STAG1: variants seen among roughly 807,000 people sequenced by gnomAD.
STAG1 encodes cohesin subunit SA-1.
In STAG1, 26 loss-of-function variants were observed where a neutral mutation model predicts 170.9. The observed-to-expected ratio is 0.15, with a 90% CI of 0.11 to 0.21. STAG1 has a LOEUF of 0.21. Among genes scored for constraint, STAG1 ranks in the 10% least tolerant of loss-of-function variants. The probability of loss-of-function intolerance (pLI) is 1.00; values close to 1 mark genes in which losing one functional copy is unlikely to be tolerated. For synonymous variants in STAG1, 514 were observed against 497.7 expected (o/e 1.03, Z -0.44); for missense variants, 964 against 1,509.5 (o/e 0.64, Z 5.99).
intron 9 of STAG1, among the ~76,000 whole-genome samples, chr3:136,495,691 G>C (rs1042613386): frequency 6.6e-6 from 1 of 151,572 alleles, no homozygotes; most frequent in Non-Finnish European, 1.5e-5. Context: ...AATTAGGGCC[G>C]GGCACGGTGG....
At chr3:136,590,370 G>C (rs960227496) in intron 4 of STAG1, among the ~76,000 whole-genome samples, 1 of 149,208 alleles carries the variant, frequency 6.7e-6, no homozygotes, top group African/African-American at 2.5e-5. Context: ...GTGTGCGCCT[G>C]TAATCCCAGC....
At chr3:136,700,775 C>T (rs1157541925) in intron 1 of STAG1, among the ~76,000 whole-genome samples, 5 of 151,426 alleles carry the variant, frequency 3.3e-5, no homozygotes, top group South Asian at 2.1e-4. Context: ...TATGAATCAA[C>T]GATCCTGTTC....
At chr3:136,556,478 T>C (rs575244695) in intron 5 of STAG1, among the ~76,000 whole-genome samples, 1 of 152,272 alleles carries the variant, frequency 6.6e-6, no homozygotes, top group Non-Finnish European at 1.5e-5. Flanking sequence ...AAAAACTCAA[T>C]AGTGTCAAGA....
intron 14 of STAG1, among the ~76,000 whole-genome samples, chr3:136,448,372 G>A (rs535655470): frequency 5.9e-4 from 90 of 152,208 alleles, no homozygotes; most frequent in Admixed American, 5.9e-4. Context: ...CCACATGACC[G>A]GGGACGCCTC....
chr3:136,495,069 C>G (rs981735072), intron 9 of STAG1, among the ~76,000 whole-genome samples: 1 of 152,112 alleles, frequency 6.6e-6, no homozygotes, highest in Non-Finnish European at 1.5e-5. Context: ...ATTTTAAAAG[C>G]TCATCTAAAG....
intron 12 of STAG1, among the ~76,000 whole-genome samples, chr3:136,471,863 G>T (rs1384431738): frequency 1.3e-5 from 2 of 151,560 alleles, no homozygotes; most frequent in Non-Finnish European, 2.9e-5. Context: ...TTTGACACAG[G>T]GTCCTGCTAT....
chr3:136,373,849 G>T (rs984892308), intron 23 of STAG1, among the ~76,000 whole-genome samples: 1 of 152,176 alleles, frequency 6.6e-6, no homozygotes, highest in African/African-American at 2.4e-5. Context: ...TTCTGTAGAT[G>T]TTTATTAGGT....
chr3:136,484,112 T>C (rs1353759094), intron 9 of STAG1, among the ~76,000 whole-genome samples: 2 of 140,530 alleles, frequency 1.4e-5, no homozygotes, highest in African/African-American at 5.4e-5. Context: ...CTTTGTTCCG[T>C]TGCTGGTGAG....
intron 13 of STAG1, among the ~76,000 whole-genome samples, chr3:136,458,204 T>C (rs979197755): frequency 6.6e-6 from 1 of 152,216 alleles, no homozygotes; most frequent in African/African-American, 2.4e-5. Flanking sequence ...TCACCTAGGC[T>C]GGAGTGCAGT....
chr3:136,583,541 C>T (rs1052640439), intron 4 of STAG1, among the ~76,000 whole-genome samples: 27 of 152,140 alleles, frequency 1.8e-4, no homozygotes, highest in African/African-American at 6.0e-4. Flanking sequence ...GTAATCCTAG[C>T]ACTCTGGGAG....
chr3:136,727,273 C>A lies in STAG1; in HGVS notation c.-84+24922G>T, dbSNP rs182949760. Reference sequence around the variant, plus strand: ...GCTGGCAGCAGTGATAATCCCAGCACCACCCCAATCTCATTCCCCATCTAT... The same window carrying A: ...GCTGGCAGCAGTGATAATCCCAGCAACACCCCAATCTCATTCCCCATCTAT... On this transcript the variant is annotated intron_variant, in intron 1 of 33. Transcript: ENST00000383202. 3.3e-5 allele frequency among the ~76,000 whole-genome samples: 5 copies of A among 152,230 alleles called. No individual in the cohort carries two copies. The East Asian group carries it at 7.7e-4, about 23-fold the overall frequency.
intron 3 of STAG1, among the ~76,000 whole-genome samples, chr3:136,615,002 A>G (rs1194625795): frequency 6.6e-6 from 1 of 152,214 alleles, no homozygotes; most frequent in Non-Finnish European, 1.5e-5. Context: ...GATACTTTTA[A>G]TGGAATTTTG....
intron 1 of STAG1, among the ~76,000 whole-genome samples, chr3:136,710,226 TCACC>T (rs2107917716): frequency 6.6e-6 from 1 of 152,288 alleles, no homozygotes; most frequent in African/African-American, 2.4e-5. Context: ...CCAGAAAAGT[TCACC>T]CAAACACAAT....
intron 9 of STAG1, among the ~76,000 whole-genome samples, chr3:136,497,055 G>GAAC (rs975151203): frequency 6.6e-6 from 1 of 151,164 alleles, no homozygotes; most frequent in African/African-American, 2.4e-5. Flanking sequence ...GTTTACTCAG[G>GAAC]AACAACAGAT....
chr3:136,532,450 G>A (rs1234069276), intron 6 of STAG1, among the ~76,000 whole-genome samples: 4 of 151,996 alleles, frequency 2.6e-5, no homozygotes, highest in South Asian at 4.2e-4. Flanking sequence ...GAGGAGGACT[G>A]GTGTTATTTC....
chr3:136,450,903 C>T (rs769529117), intron 14 of STAG1, among the ~76,000 whole-genome samples: 4 of 152,022 alleles, frequency 2.6e-5, no homozygotes, highest in African/African-American at 4.8e-5. Context: ...TGCGCCACCA[C>T]GCTCAGCTAA....
At chr3:136,697,064 T>C (rs889681753) in intron 1 of STAG1, among the ~76,000 whole-genome samples, 32 of 152,208 alleles carry the variant, frequency 2.1e-4, no homozygotes, top group African/African-American at 7.5e-4. Context: ...TGTGGCGATA[T>C]TCTTTTTGCT....
chr3:136,476,258 G>T (rs1009877665), intron 10 of STAG1, among the ~76,000 whole-genome samples: 3 of 152,308 alleles, frequency 2.0e-5, no homozygotes, highest in Non-Finnish European at 4.4e-5. Flanking sequence ...CTGGTCATGA[G>T]ACTAAGGACA....
At chr3:136,654,051 G>A (rs1033838771) in intron 1 of STAG1, among the ~76,000 whole-genome samples, 1 of 152,154 alleles carries the variant, frequency 6.6e-6, no homozygotes, top group African/African-American at 2.4e-5. Flanking sequence ...CTGAAAGACT[G>A]AAAGCTCTTC....
Sources: allele counts gnomAD v4.1 joint callset (sites outside exome capture counted in the v4.1 genomes callset), GRCh38; gene constraint gnomAD v4.1.1; transcripts MANE v1.5; gene names NCBI Gene and HGNC (gene_info 2026-07-23, HGNC 2026-07-21).